Variants in NEDD4 observed in about 807,000 individuals in gnomAD.
NEDD4 encodes the protein NEDD4 E3 ubiquitin protein ligase.
NEDD4 carries 99 observed loss-of-function variants against 144.9 expected under a neutral mutation model. That is an observed-to-expected ratio of 0.68 (90% CI 0.58 to 0.81). The LOEUF (loss-of-function observed/expected upper bound fraction) is 0.81, where lower values mean the gene tolerates loss of function less well. Ranked by LOEUF, NEDD4 falls within the 30% of genes least tolerant of loss-of-function variation. NEDD4 has a pLI of 0.00. For synonymous variants in NEDD4, 318 were observed against 350.6 expected (o/e 0.91, Z 1.04); for missense variants, 985 against 1,065.9 (o/e 0.92, Z 1.06).
intron 5 of NEDD4, among the ~76,000 whole-genome samples, chr15:55,881,631 T>TA (rs1329483647): frequency 7.2e-5 from 11 of 151,922 alleles, no homozygotes; most frequent in African/African-American, 1.9e-4. Context: ...TTAATCAGAT[T>TA]AAAAAAAACA....
At chr15:55,957,050 A>G (rs1360237989) in intron 2 of NEDD4, among the ~76,000 whole-genome samples, 1 of 152,214 alleles carries the variant, frequency 6.6e-6, no homozygotes, top group Non-Finnish European at 1.5e-5. Context: ...TAACTTTTAT[A>G]CAATTGTAAA....
At chr15:55,988,487 T>TAAAAAAAAAAAAAAAAAAAAAAAAACA (rs56688563) in intron 1 of NEDD4, among the ~76,000 whole-genome samples, 1 of 101,712 alleles carries the variant, frequency 9.8e-6, no homozygotes, top group African/African-American at 4.1e-5. Context: ...AAAAAAAAAT[T>TAAAAAAAAAAAAAAAAAAAAAAAAACA]AAAAAAAAAA....
intron 1 of NEDD4, among the ~76,000 whole-genome samples, chr15:55,976,795 ATT>A (rs35449168): frequency 0.13 from 18,897 of 150,156 alleles, 1,311 homozygotes; most frequent in East Asian, 0.32. Flanking sequence ...CACCTGGCTA[ATT>A]TTTTTTTTTG....
At chr15:55,957,888 C>T (rs954085263) in intron 2 of NEDD4, among the ~76,000 whole-genome samples, 12 of 152,116 alleles carry the variant, frequency 7.9e-5, no homozygotes, top group African/African-American at 1.9e-4. Flanking sequence ...AACCAAACAC[C>T]GCATGTTCTC....
At chr15:55,894,133 C>T (rs934988441) in intron 5 of NEDD4, among the ~76,000 whole-genome samples, 5 of 152,074 alleles carry the variant, frequency 3.3e-5, no homozygotes, top group African/African-American at 9.7e-5. Flanking sequence ...GTGATTTGCT[C>T]GGCCTCTAGC....
At chr15:55,921,637 A>G (rs2036571111) in intron 5 of NEDD4, among the ~76,000 whole-genome samples, 1 of 152,142 alleles carries the variant, frequency 6.6e-6, no homozygotes, top group African/African-American at 2.4e-5. Context: ...CAGGTGTTAC[A>G]ATATTTTGAT....
Position 55,840,735 on chromosome 15 carries a change from G to T in NEDD4, c.1839-8C>A, listed in dbSNP as rs761101504. 1 of 1,599,076 alleles carries T rather than the reference G, an allele frequency of 6.3e-7. No homozygotes were observed. The highest frequency in any genetic ancestry group is 1.1e-5 in the South Asian group (1 of 87,032). On this transcript the variant is annotated splice_polypyrimidine_tract_variant and splice_region_variant and intron_variant, in intron 19 of 28. Coordinates refer to ENST00000435532, the MANE Select transcript of NEDD4 (RefSeq NM_006154.4). ...TGTAGGGTATAATTGTCCCTGTAAA[G>T]ACAACCCCATTTAAATACTTCATTT... is the stretch of plus-strand genomic sequence containing the variant.
In NEDD4 at chr15:55,872,783, C is replaced by T. The variant is rs190718656; in HGVS notation, c.343-307G>A. ...AGTATGTTAACATCCCAAAAGAACACGGACTATGCACATGTCTGCAGGCTG... is the reference window on the plus strand; with the variant it reads ...AGTATGTTAACATCCCAAAAGAACATGGACTATGCACATGTCTGCAGGCTG... On this transcript the variant is annotated intron_variant, in intron 6 of 28. Coordinates refer to ENST00000435532, the MANE Select transcript of NEDD4 (RefSeq NM_006154.4). 3.3e-5 allele frequency among the ~76,000 whole-genome samples: 5 copies of T among 152,138 alleles called. No individual in the cohort carries two copies. In the East Asian group the frequency reaches 5.8e-4, roughly 18 times the overall value.
intron 4 of NEDD4, among the ~76,000 whole-genome samples, chr15:55,948,214 G>A (rs1239174630): frequency 1.3e-5 from 2 of 152,084 alleles, no homozygotes; most frequent in African/African-American, 4.8e-5. Context: ...GCTTCAAAGA[G>A]AATAAAATAC....
rs943165002 is a variant in NEDD4 at position 55,960,153 on chromosome 15, C to A, written c.119+6320G>T. Among the ~76,000 whole-genome samples, 11 of 152,168 alleles carry A rather than the reference C, an allele frequency of 7.2e-5. No homozygotes were observed. In the East Asian group the frequency reaches 1.9e-3, roughly 27 times the overall value. On this transcript the variant is annotated intron_variant, in intron 2 of 28. Transcript: ENST00000435532. ...ACCCCCAAAGGACTGCAGAAATAAG[C>A]CACAGTAACCACCTCTCTGTGATGG...
At chr15:55,974,643 C>A (rs2037668617) in intron 1 of NEDD4, among the ~76,000 whole-genome samples, 1 of 151,658 alleles carries the variant, frequency 6.6e-6, no homozygotes, top group African/African-American at 2.4e-5. Context: ...AATGTCATAT[C>A]AACAGAATGG....
chr15:55,847,062 A>G, intron 17 of NEDD4, 28 bp from the exon 18 acceptor site: 6 of 1,502,224 alleles, frequency 4.0e-6, no homozygotes, highest in Non-Finnish European at 5.5e-6. Flanking sequence ...GGAAAAATAA[A>G]GAAGTTTAGG....
rs533094230 is a variant in NEDD4 at position 55,909,722 on chromosome 15, C to A, written c.291+14924G>T. The stretch of plus-strand genomic sequence containing the variant: ...GATGTAAAGGGAGAGTGGACACAAA[C>A]GGGTGAGGCCTCACAACAGCTAGCA... On this transcript the variant is annotated intron_variant, in intron 5 of 28. Coordinates refer to ENST00000435532, the MANE Select transcript of NEDD4 (RefSeq NM_006154.4). Among the ~76,000 whole-genome samples, 3 of 152,116 alleles carry A rather than the reference C, an allele frequency of 2.0e-5. No homozygotes were observed. The South Asian group carries it at 6.2e-4, about 32-fold the overall frequency.
At chr15:55,891,368 T>A (rs1566935699) in intron 5 of NEDD4, among the ~76,000 whole-genome samples, 1 of 152,222 alleles carries the variant, frequency 6.6e-6, no homozygotes, top group Non-Finnish European at 1.5e-5. Flanking sequence ...TTGCTATAAA[T>A]ACAGGACAAT....
At chr15:55,930,415 C>G (rs1462968841) in intron 4 of NEDD4, among the ~76,000 whole-genome samples, 1 of 152,114 alleles carries the variant, frequency 6.6e-6, no homozygotes, top group African/African-American at 2.4e-5. Flanking sequence ...TTAGTCAAAC[C>G]ATTTTCTGAG....
In NEDD4 at chr15:55,974,891, C is replaced by CTTTTTTTT. The variant is rs56285555; in HGVS notation, c.46-8353_46-8346dup. Among the ~76,000 whole-genome samples, 40 of 75,706 alleles carry CTTTTTTTT rather than the reference C, an allele frequency of 5.3e-4. 2 individuals carry two copies. Among genetic ancestry groups the CTTTTTTTT allele is most frequent in the Non-Finnish European group, 6.9e-4 (28 of 40,746 alleles). The allele number at this position is 75,706 out of a possible 152,430, so 49.7% of individuals were successfully genotyped here. On this transcript the variant is annotated intron_variant, in intron 1 of 28. Coordinates refer to ENST00000435532, the MANE Select transcript of NEDD4 (RefSeq NM_006154.4). ...TAAGGATGTCCATTTCTTTTCCTTT[C>CTTTTTTTT]TTTTTTTTTTTTTTTTTTTTTGAGA...
chr15:55,894,009 T>C (rs2035656916), intron 5 of NEDD4, among the ~76,000 whole-genome samples: 1 of 152,110 alleles, frequency 6.6e-6, no homozygotes, highest in Non-Finnish European at 1.5e-5. Flanking sequence ...TCAATCTTTC[T>C]ATATGTCAAT....
At chr15:55,950,319 T>C (rs1178348013) in intron 4 of NEDD4, among the ~76,000 whole-genome samples, 4 of 152,224 alleles carry the variant, frequency 2.6e-5, no homozygotes, top group African/African-American at 9.6e-5. Flanking sequence ...ATTGATGCCT[T>C]TGGCTGGATC....
At chr15:55,925,735 C>G (rs1053936886) in intron 4 of NEDD4, among the ~76,000 whole-genome samples, 2 of 152,266 alleles carry the variant, frequency 1.3e-5, no homozygotes, top group African/African-American at 4.8e-5. Context: ...AACTCAGTGT[C>G]TACTTTTCCC....
Sources: allele counts gnomAD v4.1 joint callset (sites outside exome capture counted in the v4.1 genomes callset), GRCh38; gene constraint gnomAD v4.1.1; transcripts MANE v1.5; gene names NCBI Gene and HGNC (gene_info 2026-07-23, HGNC 2026-07-21).